Variants in NEK2 observed in about 807,000 individuals in gnomAD.
The protein encoded by NEK2 is serine/threonine-protein kinase Nek2.
A neutral mutation model predicts 54.1 loss-of-function variants in NEK2; 28 were observed. The observed-to-expected ratio is 0.52, with a 90% CI of 0.38 to 0.71. NEK2 has a LOEUF of 0.71. NEK2 is among the 30% of genes least tolerant of loss of function. NEK2 has a pLI of 0.00. For synonymous variants in NEK2, 176 were observed against 193.1 expected (o/e 0.91, Z 0.73); for missense variants, 407 against 531.5 (o/e 0.77, Z 2.30).
intron 4 of NEK2, among the ~76,000 whole-genome samples, chr1:211,670,990 G>C (rs1415767341): frequency 6.6e-6 from 1 of 152,298 alleles, no homozygotes; most frequent in Middle Eastern, 3.4e-3. Context: ...CAAGACCCTT[G>C]AACAGTCAAG....
intron 2 of NEK2, 89 bp from the exon 3 acceptor site, chr1:211,673,812 G>C (rs1571648521): frequency 1.6e-6 from 2 of 1,255,252 alleles, no homozygotes; most frequent in East Asian, 5.1e-5. Flanking sequence ...TACAAATAGG[G>C]AATTTATTTA....
rs756257362 is a variant in NEK2, at chr1:211,663,604, C to T, written c.1160G>A (p.Ser387Asn). 8 of 1,613,800 alleles carry T rather than the reference C, an allele frequency of 5.0e-6. No homozygotes were observed. The highest frequency in any genetic ancestry group is 6.8e-6 in the Non-Finnish European group (8 of 1,179,840). ...CATGATGTTCTCTTTACTTTCCCCA[C>T]TGAAATGAACTTTCTTCTTAATTAC... Reference protein sequence around the residue: ...SSVIKKKVHFSGESKENIMRS... With the variant: ...SSVIKKKVHFNGESKENIMRS... The change falls in exon 8 of 8, where the codon AGT becomes AAT. Residue 387 changes from serine to asparagine, a missense_variant. Physicochemically the swap from Ser to Asn is conservative, Grantham distance 46 (BLOSUM62 1). Coordinates refer to ENST00000366999, the MANE Select transcript of NEK2 (RefSeq NM_002497.4).
intron 2 of NEK2, among the ~76,000 whole-genome samples, chr1:211,674,089 T>A (rs1326893241): frequency 6.6e-6 from 1 of 152,194 alleles, no homozygotes; most frequent in East Asian, 1.9e-4. Flanking sequence ...GTGTTGGGAT[T>A]ACAGGTGTGA....
rs377239538 is a variant in NEK2, at chr1:211,673,735, G to C, written c.315-12C>G. 1 of 1,613,294 alleles carries C rather than the reference G, an allele frequency of 6.2e-7. No individual in the cohort carries two copies. The highest frequency in any genetic ancestry group is 8.5e-7 in the Non-Finnish European group (1 of 1,179,416). ...CATCTAAGTATTGCCTAAAACCAAA[G>C]CAGTTATACAGCATATAACTTCTAA... On this transcript the variant is annotated splice_polypyrimidine_tract_variant and intron_variant, in intron 2 of 7. Coordinates refer to ENST00000366999, the MANE Select transcript of NEK2 (RefSeq NM_002497.4).
At chr1:211,673,847 C>T (rs1436954289) in intron 2 of NEK2, 124 bp from the exon 3 acceptor site, 4 of 1,040,128 alleles carry the variant, frequency 3.8e-6, no homozygotes, top group African/African-American at 3.2e-5. Flanking sequence ...TTTTTTGAGA[C>T]AGGGTCTTAC....
At chr1:211,660,694 T>C (rs894437853), downstream of NEK2, 18 of 671,066 alleles carry the variant, frequency 2.7e-5, no homozygotes, top group African/African-American at 3.0e-4. Context: ...TCCTTGAATC[T>C]GCGAAGATCC....
chr1:211,660,156 G>C (rs531585496), downstream of NEK2: 1 of 226,716 alleles, frequency 4.4e-6, no homozygotes, highest in Non-Finnish European at 9.1e-6. Flanking sequence ...AATTTATTGA[G>C]AGCCTCCTCT....
intron 6 of NEK2, 54 bp downstream of exon 6, chr1:211,669,059 T>G: frequency 6.8e-7 from 1 of 1,474,292 alleles, no homozygotes; most frequent in Non-Finnish European, 9.4e-7. Context: ...TTCAGACACA[T>G]CAAAATAACC....
Position 211,675,534 on chromosome 1 carries a change from G to C in NEK2, c.-55C>G. On this transcript the variant is annotated 5_prime_UTR_variant, in exon 1 of 8. Transcript: ENST00000366999. ...TCACGCAGGTTGCGCCGCCAAGTGC[G>C]GAGCTCCAGGGACCAGGAACTCCAG... 6.9e-7 allele frequency: 1 copy of C among 1,459,208 alleles called. No homozygotes were observed. 90.4% of individuals were successfully genotyped at this position (1,459,208 alleles called of 1,614,324 possible).
intron 3 of NEK2, among the ~76,000 whole-genome samples, chr1:211,671,552 G>C (rs556573773): frequency 3.3e-5 from 5 of 152,322 alleles, no homozygotes; most frequent in Admixed American, 6.5e-5. Context: ...GAATATGAGA[G>C]ACTTCTACTC....
At chr1:211,666,798 C>CA (rs902314612) in intron 7 of NEK2, 41 of 771,784 alleles carry the variant, frequency 5.3e-5, no homozygotes, top group African/African-American at 2.1e-4. Context: ...GACTCCATCT[C>CA]AAAAAAAATA....
At chr1:211,673,417 A>C in intron 3 of NEK2, 66 bp downstream of exon 3, 1 of 1,591,444 alleles carries the variant, frequency 6.3e-7, no homozygotes, top group South Asian at 1.1e-5. Flanking sequence ...CTGTCTCAAA[A>C]ACAAACAAAC....
downstream of NEK2, among the ~76,000 whole-genome samples, chr1:211,658,305 A>G (rs749888171): frequency 3.3e-5 from 5 of 152,088 alleles, no homozygotes; most frequent in Non-Finnish European, 7.4e-5. Context: ...TTACATTTAC[A>G]TGTATTTACA....
At chr1:211,668,761 A>G (rs1332903556) in intron 6 of NEK2, among the ~76,000 whole-genome samples, 1 of 152,220 alleles carries the variant, frequency 6.6e-6, no homozygotes, top group Admixed American at 6.5e-5. Context: ...GGAAAGCAGC[A>G]ATTTTAAGAC....
downstream of NEK2, chr1:211,660,655 G>A: frequency 3.0e-6 from 2 of 656,978 alleles, no homozygotes; most frequent in South Asian, 2.8e-5. Flanking sequence ...GTAGAAAACT[G>A]TCTTGTACTT....
intron 3 of NEK2, 121 bp from the exon 4 acceptor site, chr1:211,671,405 A>G: frequency 1.5e-6 from 1 of 652,792 alleles, no homozygotes; most frequent in South Asian, 1.8e-5. Flanking sequence ...TTTAGCTTAT[A>G]CTTTATCTTG....
intron 7 of NEK2, among the ~76,000 whole-genome samples, chr1:211,664,511 G>C (rs538033596): frequency 6.6e-5 from 10 of 152,230 alleles, no homozygotes; most frequent in African/African-American, 2.2e-4. Context: ...AATAGCTCTG[G>C]AAACAGGGAC....
intron 1 of NEK2, 72 bp downstream of exon 1, chr1:211,675,312 G>A: frequency 7.2e-7 from 1 of 1,391,238 alleles, no homozygotes; most frequent in Admixed American, 1.7e-5. Context: ...GTTCCCTTCG[G>A]TGGCGCAGGG....
At chr1:211,667,734 A>T (rs2102442072) in intron 6 of NEK2, among the ~76,000 whole-genome samples, 1 of 152,340 alleles carries the variant, frequency 6.6e-6, no homozygotes, top group South Asian at 2.1e-4. Context: ...TTCAGAAAGT[A>T]TTCAGATTTC....
Sources: gnomAD v4.1 joint callset for allele counts (sites outside exome capture counted in the v4.1 genomes callset) on GRCh38, gnomAD v4.1.1 for gene constraint, MANE v1.5 for transcripts, NCBI Gene and HGNC (gene_info 2026-07-23, HGNC 2026-07-21) for gene names.